NYAP2: variants seen among roughly 807,000 people sequenced by gnomAD.
The protein encoded by NYAP2 is neuronal tyrosine-phosphorylated phosphoinositide-3-kinase adapter 2.
In NYAP2, 23 loss-of-function variants were observed where a neutral mutation model predicts 50.4. The observed-to-expected ratio is 0.46, with a 90% CI of 0.33 to 0.65. The LOEUF is 0.65. Among genes scored for constraint, NYAP2 ranks in the 30% least tolerant of loss-of-function variants. The pLI is 0.02. For synonymous variants in NYAP2, 394 were observed against 365.2 expected, an observed-to-expected ratio of 1.08 and a Z score of -0.90; for missense variants, 885 against 861.0, an observed-to-expected ratio of 1.03 and a Z score of -0.35.
intron 4 of NYAP2, among the ~76,000 whole-genome samples, chr2:225,565,936 A>C (rs188244460): frequency 6.6e-6 from 1 of 152,134 alleles, no homozygotes; most frequent in South Asian, 2.1e-4. Flanking sequence ...TTGTAAAACA[A>C]ATATGCACCA....
chr2:225,533,115 G>C (rs1454498442), intron 4 of NYAP2, among the ~76,000 whole-genome samples: 1 of 152,162 alleles, frequency 6.6e-6, no homozygotes, highest in African/African-American at 2.4e-5. Flanking sequence ...GCCAAAGATG[G>C]CTTCTCAGAG....
chr2:225,587,158 G>C (rs983756330), intron 5 of NYAP2, among the ~76,000 whole-genome samples: 2 of 152,156 alleles, frequency 1.3e-5, no homozygotes, highest in African/African-American at 4.8e-5. Flanking sequence ...AACACGTGTG[G>C]ATTATGGGGA....
At chr2:225,685,578 A>T in the NYAP2 span, among the ~76,000 whole-genome samples, 1 of 152,148 alleles carries the variant, frequency 6.6e-6, no homozygotes, top group South Asian at 2.1e-4. Flanking sequence ...AGTCATTACT[A>T]GGTTGAATTA....
intron 3 of NYAP2, among the ~76,000 whole-genome samples, chr2:225,494,879 A>G (rs1401945296): frequency 6.6e-6 from 1 of 152,204 alleles, no homozygotes; most frequent in Non-Finnish European, 1.5e-5. Context: ...TTTCACAAGA[A>G]TGTTCAATAT....
At chr2:225,643,028 G>A (rs1693559640) in intron 6 of NYAP2, among the ~76,000 whole-genome samples, 1 of 152,046 alleles carries the variant, frequency 6.6e-6, no homozygotes, top group South Asian at 2.1e-4. Flanking sequence ...CCAGAAAACA[G>A]GAGTAAAATA....
At chr2:225,450,864 C>A (rs1287705178) in intron 3 of NYAP2, among the ~76,000 whole-genome samples, 2 of 152,178 alleles carry the variant, frequency 1.3e-5, no homozygotes, top group Non-Finnish European at 2.9e-5. Flanking sequence ...ATGGCCCTGC[C>A]TTGTCATTCT....
At chr2:225,668,994 A>G in the NYAP2 span, among the ~76,000 whole-genome samples, 1 of 95,128 alleles carries the variant, frequency 1.1e-5, no homozygotes, top group Non-Finnish European at 1.9e-5. Flanking sequence ...TTTTGCTGCT[A>G]ATGGCTTAAA....
chr2:225,409,542 G>A (rs536820831), intron 3 of NYAP2, among the ~76,000 whole-genome samples: 34 of 151,926 alleles, frequency 2.2e-4, no homozygotes, highest in African/African-American at 8.2e-4. Context: ...TTATACTTAC[G>A]TGAGCCTCTG....
chr2:225,433,742 G>T (rs1689316642), intron 3 of NYAP2, among the ~76,000 whole-genome samples: 1 of 150,328 alleles, frequency 6.7e-6, no homozygotes, highest in African/African-American at 2.4e-5. Context: ...GCGTGAACCC[G>T]GGAGGCGGAG....
chr2:225,407,886 C>T (rs1264873792), intron 2 of NYAP2, among the ~76,000 whole-genome samples: 4 of 151,800 alleles, frequency 2.6e-5, no homozygotes, highest in African/African-American at 9.7e-5. Context: ...CACACATATC[C>T]ATTTGACATT....
At chr2:225,480,258 G>A (rs1315068856) in intron 3 of NYAP2, among the ~76,000 whole-genome samples, 1 of 151,988 alleles carries the variant, frequency 6.6e-6, no homozygotes, top group Non-Finnish European at 1.5e-5. Flanking sequence ...AGTGGGTGTG[G>A]TAAAATTCTA....
intron 3 of NYAP2, among the ~76,000 whole-genome samples, chr2:225,479,860 GTC>G (rs1690176933): frequency 6.6e-6 from 1 of 151,878 alleles, no homozygotes; most frequent in Admixed American, 6.6e-5. Flanking sequence ...CCTTTCCCCA[GTC>G]CTATTTTCTT....
rs558084971 is a variant in NYAP2 at position 225,642,696 on chromosome 2, T to A, written c.1829-8736T>A. Among the ~76,000 whole-genome samples the A allele has an allele frequency of 3.3e-5, 5 of 152,286 alleles. No individual in the cohort carries two copies. In the East Asian group the frequency reaches 9.7e-4, roughly 29 times the overall value. On this transcript the variant is annotated intron_variant, in intron 6 of 6. Transcript: ENST00000636099. ...CAGACTTGATTCATGTGGCCACTTCTGGAGGTAGAGTTGAAGTCAGCTCTT... is the reference window on the plus strand; with the variant it reads ...CAGACTTGATTCATGTGGCCACTTCAGGAGGTAGAGTTGAAGTCAGCTCTT...
chr2:225,466,010 C>G lies in NYAP2; in HGVS notation c.222-47361C>G, dbSNP rs139268878. 2.2e-3 allele frequency among the ~76,000 whole-genome samples: 340 copies of G among 152,262 alleles called. 2 individuals are homozygous for G. The highest frequency in any genetic ancestry group is 7.8e-3 in the African/African-American group (323 of 41,540). ...TAAGGCTCACCTACAATTGAAGACA[C>G]CATGCCGCTTGCTAATTTACATTGC... On this transcript the variant is annotated intron_variant, in intron 3 of 6. Coordinates refer to ENST00000636099, the Ensembl canonical transcript of NYAP2.
rs1559202477 is a variant in NYAP2 at position 225,518,548 on chromosome 2, AT to A, written c.523+4877del. Among the ~76,000 whole-genome samples the A allele has an allele frequency of 5.1e-3, 400 of 78,340 alleles. 35 individuals are homozygous for A. The highest frequency in any genetic ancestry group is 0.014 in the African/African-American group (315 of 22,956). 51.4% of individuals were successfully genotyped at this position (78,340 alleles called of 152,430 possible). On this transcript the variant is annotated intron_variant, in intron 4 of 6. Transcript: ENST00000636099. ...TATATATATATATATATATATATAT[AT>A]ATATATATATATATATATATTAGCG...
At chr2:225,643,713 G>A (rs1344066005) in intron 6 of NYAP2, among the ~76,000 whole-genome samples, 11 of 151,732 alleles carry the variant, frequency 7.2e-5, no homozygotes, top group Admixed American at 2.0e-4. Flanking sequence ...TTGTTCTTGC[G>A]ATAGTTTACT....
Position 225,627,084 on chromosome 2 carries a change from T to C in NYAP2, c.1786T>C (p.Cys596Arg). Residue 596 changes from cysteine (C) to arginine (R), a missense_variant, in exon 6 of 7, where the codon TGC (cysteine) becomes CGC (arginine). Physicochemically the swap from Cys to Arg is radical, Grantham distance 180 (BLOSUM62 -3). Transcript: ENST00000636099. Reference sequence around the variant, plus strand: ...TGTGGTCACCAGTCGACTAGGAAGATGCTCTGTGAGCCCCACCTTGTTAGC... The same window carrying C: ...TGTGGTCACCAGTCGACTAGGAAGACGCTCTGTGAGCCCCACCTTGTTAGC... 2 of 1,596,110 alleles carry C rather than the reference T, an allele frequency of 1.3e-6. No homozygotes were observed. The highest frequency in any genetic ancestry group is 2.3e-5 in the East Asian group (1 of 44,118).
At chr2:225,413,898 G>A (rs191628274) in intron 3 of NYAP2, among the ~76,000 whole-genome samples, 1 of 152,270 alleles carries the variant, frequency 6.6e-6, no homozygotes, top group African/African-American at 2.4e-5. Context: ...AGGCATTGAT[G>A]ATAATTCTCT....
exon 2 of NYAP2, chr2:225,400,678 G>A (rs1694845187): frequency 6.6e-6 from 1 of 152,090 alleles, no homozygotes; most frequent in African/African-American, 2.4e-5. Context: ...TGGAAGGAGA[G>A]GGGCTGTGTG....
Sources: gnomAD v4.1 joint callset for allele counts (sites outside exome capture counted in the v4.1 genomes callset) on GRCh38, gnomAD v4.1.1 for gene constraint, MANE v1.5 for transcripts, NCBI Gene and HGNC (gene_info 2026-07-23, HGNC 2026-07-21) for gene names.